LRMDA: variants seen among roughly 807,000 people sequenced by gnomAD.
The protein encoded by LRMDA is leucine rich melanocyte differentiation associated, also known as leucine-rich melanocyte differentiation-associated protein.
Under a neutral mutation model 29.8 loss-of-function variants are expected in LRMDA, and 18 were observed. The ratio of observed to expected loss-of-function variants is 0.60; its 90% CI spans 0.42 to 0.90. The LOEUF is 0.90. Among genes scored for constraint, LRMDA ranks in the 40% least tolerant of loss-of-function variants. LRMDA has a pLI of 0.00. For synonymous variants in LRMDA, 125 were observed against 109.4 expected, an observed-to-expected ratio of 1.14 and a Z score of -0.89; for missense variants, 273 against 273.9, an observed-to-expected ratio of 1.00 and a Z score of 0.02.
intron 6 of LRMDA, among the ~76,000 whole-genome samples, chr10:76,507,803 A>G (rs1169960712): frequency 6.6e-6 from 1 of 152,044 alleles, no homozygotes; most frequent in Non-Finnish European, 1.5e-5. Flanking sequence ...TGAGTTGGCT[A>G]TAAATGCCTG....
At chr10:75,711,952 T>C (rs2132178344) in intron 2 of LRMDA, among the ~76,000 whole-genome samples, 1 of 152,176 alleles carries the variant, frequency 6.6e-6, no homozygotes, top group East Asian at 1.9e-4. Context: ...GTATATATGT[T>C]ATATATGTAT....
chr10:76,288,124 AG>A (rs912877668), intron 5 of LRMDA, among the ~76,000 whole-genome samples: 1 of 152,216 alleles, frequency 6.6e-6, no homozygotes, highest in African/African-American at 2.4e-5. Context: ...AATGGAAAAA[AG>A]TCAGTTTTTG....
chr10:76,395,997 A>G (rs1406593722), intron 6 of LRMDA, among the ~76,000 whole-genome samples: 1 of 152,170 alleles, frequency 6.6e-6, no homozygotes, highest in Non-Finnish European at 1.5e-5. Flanking sequence ...GTTCCTTGTG[A>G]AAAGAGAAGA....
chr10:75,783,842 C>G (rs1395213008), intron 2 of LRMDA, among the ~76,000 whole-genome samples: 3 of 152,150 alleles, frequency 2.0e-5, no homozygotes, highest in Non-Finnish European at 4.4e-5. Context: ...ATGCCCCAAA[C>G]CAGCCAAGAT....
chr10:76,187,036 C>G (rs1340640224), intron 5 of LRMDA, among the ~76,000 whole-genome samples: 1 of 152,126 alleles, frequency 6.6e-6, no homozygotes. Context: ...TAAGACTTGA[C>G]ATTCTTCACT....
intron 5 of LRMDA, among the ~76,000 whole-genome samples, chr10:76,068,564 C>T (rs1848824448): frequency 6.6e-6 from 1 of 152,138 alleles, no homozygotes; most frequent in Non-Finnish European, 1.5e-5. Context: ...AATCTGATGC[C>T]ACCACTGATC....
chr10:75,509,209 G>T (rs868400595), intron 2 of LRMDA, among the ~76,000 whole-genome samples: 21 of 152,300 alleles, frequency 1.4e-4, no homozygotes, highest in African/African-American at 4.8e-4. Context: ...TACCCCGTTC[G>T]TGGTGCAGTG....
intron 2 of LRMDA, among the ~76,000 whole-genome samples, chr10:75,917,662 A>G (rs1347368620): frequency 6.6e-6 from 1 of 152,190 alleles, no homozygotes. Flanking sequence ...GGGCTTGGAC[A>G]CTGGCCCCAG....
intron 2 of LRMDA, among the ~76,000 whole-genome samples, chr10:76,018,034 G>A (rs1694679143): frequency 1.3e-5 from 2 of 152,168 alleles, no homozygotes; most frequent in African/African-American, 4.8e-5. Flanking sequence ...CCACTGTGGG[G>A]GCTCCTTCCT....
chr10:76,028,811 T>C (rs1439152458), intron 2 of LRMDA, among the ~76,000 whole-genome samples: 1 of 151,158 alleles, frequency 6.6e-6, no homozygotes, highest in East Asian at 2.0e-4. Flanking sequence ...AGAAGCTTAT[T>C]CAAAGCCTTT....
At chr10:76,295,862 T>G (rs958320759) in intron 5 of LRMDA, among the ~76,000 whole-genome samples, 30 of 152,296 alleles carry the variant, frequency 2.0e-4, no homozygotes, top group African/African-American at 7.0e-4. Flanking sequence ...TAAAGTCACC[T>G]CTTTGCTAAT....
At chr10:75,878,784 G>C (rs1466022323) in intron 2 of LRMDA, among the ~76,000 whole-genome samples, 2 of 152,254 alleles carry the variant, frequency 1.3e-5, no homozygotes, top group East Asian at 3.9e-4. Flanking sequence ...CAGGAGTGTA[G>C]TCTGGCTGGC....
At chr10:75,753,950 C>T (rs1842996788) in intron 2 of LRMDA, among the ~76,000 whole-genome samples, 1 of 152,170 alleles carries the variant, frequency 6.6e-6, no homozygotes, top group Admixed American at 6.5e-5. Context: ...GGTGCATTGA[C>T]TGTGGGAATG....
intron 2 of LRMDA, among the ~76,000 whole-genome samples, chr10:75,700,837 G>T (rs76265058): frequency 2.0e-3 from 311 of 152,266 alleles, no homozygotes; most frequent in African/African-American, 7.3e-3. Context: ...TAAGCAGTAG[G>T]CCCAGGGAAG....
intron 6 of LRMDA, among the ~76,000 whole-genome samples, chr10:76,354,743 G>A (rs1395275289): frequency 1.3e-5 from 2 of 152,076 alleles, no homozygotes; most frequent in Non-Finnish European, 2.9e-5. Flanking sequence ...TTTGATACAC[G>A]CATATAATGT....
At chr10:76,038,110 C>T (rs1182224774) in intron 3 of LRMDA, among the ~76,000 whole-genome samples, 2 of 152,176 alleles carry the variant, frequency 1.3e-5, no homozygotes, top group East Asian at 3.9e-4. Flanking sequence ...TAGACATGTC[C>T]TGTGTCCCAG....
intron 2 of LRMDA, among the ~76,000 whole-genome samples, chr10:75,938,483 A>C (rs1846332460): frequency 6.6e-6 from 1 of 152,236 alleles, no homozygotes; most frequent in Non-Finnish European, 1.5e-5. Context: ...AAATGGTTCC[A>C]ATAAACACCA....
intron 5 of LRMDA, among the ~76,000 whole-genome samples, chr10:76,095,012 G>A (rs1340850057): frequency 6.6e-6 from 1 of 152,158 alleles, no homozygotes. Context: ...TACCCTTAGT[G>A]TAGAGTTCCA....
intron 2 of LRMDA, among the ~76,000 whole-genome samples, chr10:75,903,455 A>G (rs1014517180): frequency 1.3e-5 from 2 of 152,274 alleles, no homozygotes; most frequent in Admixed American, 6.5e-5. Flanking sequence ...GAAAGGAGCC[A>G]TAAAAGCAAA....
Sources: gnomAD v4.1 joint callset for allele counts (sites outside exome capture counted in the v4.1 genomes callset) on GRCh38, gnomAD v4.1.1 for gene constraint, MANE v1.5 for transcripts, NCBI Gene and HGNC (gene_info 2026-07-23, HGNC 2026-07-21) for gene names.